The following TARS3 variants were observed in gnomAD, a reference collection of about 807,000 sequenced individuals.
TARS3 encodes threonyl-tRNA synthetase 3.
TARS3 carries 94 observed loss-of-function variants against 103.5 expected under a neutral mutation model. The ratio of observed to expected loss-of-function variants is 0.91; its 90% CI spans 0.77 to 1.08. TARS3 has a LOEUF of 1.08. TARS3 is among the 50% of genes least tolerant of loss of function. TARS3 has a pLI of 0.00. For missense variants in TARS3, 952 were observed against 995.2 expected (o/e 0.96, Z 0.58); for synonymous variants, 416 against 355.4 (o/e 1.17, Z -1.92).
chr15:101,700,690 C>G (rs894781542), intron 10 of TARS3, among the ~76,000 whole-genome samples: 1 of 150,474 alleles, frequency 6.6e-6, no homozygotes, highest in African/African-American at 2.5e-5. Flanking sequence ...TGTCACCAGG[C>G]TGGAGCGCAG....
At chr15:101,655,883 T>C (rs1361998888) in intron 18 of TARS3, 2 of 1,286,550 alleles carry the variant, frequency 1.6e-6, no homozygotes, top group Non-Finnish European at 2.0e-6. Context: ...AGCCAAGGAG[T>C]GGACACCAGA....
At chr15:101,722,113 T>A (rs1443319873) in intron 2 of TARS3, among the ~76,000 whole-genome samples, 3 of 152,072 alleles carry the variant, frequency 2.0e-5, no homozygotes, top group Non-Finnish European at 2.9e-5. Context: ...CATGTGTACT[T>A]CCCACCTCCA....
intron 8 of TARS3, among the ~76,000 whole-genome samples, chr15:101,702,786 A>G (rs1426790015): frequency 6.6e-6 from 1 of 152,196 alleles, no homozygotes; most frequent in African/African-American, 2.4e-5. Flanking sequence ...AAACAAACAA[A>G]CAAACAAAAT....
chr15:101,720,457 A>G (rs1180706492), intron 3 of TARS3, among the ~76,000 whole-genome samples: 1 of 152,164 alleles, frequency 6.6e-6, no homozygotes, highest in Non-Finnish European at 1.5e-5. Context: ...AAGACCTGTA[A>G]AAACTCATGG....
chr15:101,701,753 A>G (rs963719855), intron 9 of TARS3, among the ~76,000 whole-genome samples: 3 of 152,174 alleles, frequency 2.0e-5, no homozygotes, highest in Non-Finnish European at 4.4e-5. Context: ...AAAGGATGCT[A>G]TAAAGTGCAC....
Position 101,711,869 on chromosome 15 carries a change from C to A in TARS3, c.812+11G>T, listed in dbSNP as rs1474106094. The A allele has an allele frequency of 2.5e-6, 4 of 1,612,624 alleles. No individual in the cohort carries two copies. In the Admixed American group the frequency reaches 5.0e-5, roughly 20 times the overall value. ...ACACATGCATTCACAAGCCAGTATTCAGTGTGTTACCTGTCTTCAATGAAC... is the reference window on the plus strand; with the variant it reads ...ACACATGCATTCACAAGCCAGTATTAAGTGTGTTACCTGTCTTCAATGAAC... On this transcript the variant is annotated intron_variant, in intron 5 of 18. Transcript: ENST00000335968.
rs1897263991 is a variant in TARS3 at position 101,658,543 on chromosome 15, A to G, written c.2073-686T>C. Among the ~76,000 whole-genome samples, 4 of 152,034 alleles carry G rather than the reference A, an allele frequency of 2.6e-5. No homozygotes were observed. In the South Asian group the frequency reaches 8.3e-4, roughly 32 times the overall value. On this transcript the variant is annotated intron_variant, in intron 16 of 18. Coordinates refer to ENST00000335968, the MANE Select transcript of TARS3 (RefSeq NM_152334.3). ...GTGGGATGGTTTGAGTGTGGGGAAA[A>G]AAGGGCAGCAGGAGGGAGCCTTACA...
At chr15:101,718,418 C>T (rs1288884758) in intron 3 of TARS3, among the ~76,000 whole-genome samples, 3 of 152,006 alleles carry the variant, frequency 2.0e-5, no homozygotes, top group African/African-American at 7.2e-5. Flanking sequence ...TGAGTTATCT[C>T]AGATGAAAAC....
At position 101,693,196 on chromosome 15, in the gene TARS3, G is replaced by A. The variant is rs149046748; in HGVS notation, c.1321-7134C>T. On this transcript the variant is annotated intron_variant, in intron 10 of 18. Transcript: ENST00000335968. ...TATCTATTCTCACACTGCTAATAAA[G>A]ACAAACCCAAGACTGGGTAATTTAT... Among the ~76,000 whole-genome samples the A allele has an allele frequency of 2.6e-5, 4 of 152,240 alleles. 1 individual carries two copies. In the East Asian group the frequency reaches 5.8e-4, roughly 22 times the overall value.
At position 101,653,654 on chromosome 15, in the gene TARS3, TAACTA is replaced by T. The variant is rs1330586332; in HGVS notation, c.*923_*927del. ...TCACTGTTCACATCCCTCAGGAAGTTAACTAAATGATCAGTATATTGAAAAGAGAT... is the reference window on the plus strand; with the variant it reads ...TCACTGTTCACATCCCTCAGGAAGTTAATGATCAGTATATTGAAAAGAGAT... On this transcript the variant is annotated 3_prime_UTR_variant, in exon 19 of 19. Transcript: ENST00000335968. The T allele has an allele frequency of 6.6e-6, 1 of 152,276 alleles. No individual in the cohort carries two copies. Among genetic ancestry groups the T allele is most frequent in the Non-Finnish European group, 1.5e-5 (1 of 68,046 alleles). 9.4% of individuals were successfully genotyped at this position (152,276 alleles called of 1,614,324 possible).
chr15:101,704,394 C>G (rs1001650939), intron 7 of TARS3, among the ~76,000 whole-genome samples: 1 of 152,182 alleles, frequency 6.6e-6, no homozygotes, highest in Non-Finnish European at 1.5e-5. Flanking sequence ...GTGGCTCACA[C>G]CTGTAATCCC....
In TARS3 at chr15:101,685,893, C is replaced by CA. The variant is rs1567336745; in HGVS notation, c.1487+2dup. 2.5e-6 allele frequency: 4 copies of CA among 1,612,270 alleles called. No homozygotes were observed. Among genetic ancestry groups the CA allele is most frequent in the Non-Finnish European group, 3.4e-6 (4 of 1,178,934 alleles). ...AAAGGTCTGCTTCGCTTTTAATACT[C>CA]ACCAGTGCCCTGGACAATTCATGGG... On this transcript the variant is annotated splice_region_variant and intron_variant, in intron 11 of 18. Coordinates refer to ENST00000335968, the MANE Select transcript of TARS3 (RefSeq NM_152334.3).
Position 101,724,371 on chromosome 15 carries a change from A to C in TARS3, c.17T>G (p.Leu6Arg). MAAEA[L>R]AAEAVASRLE... is the part of the protein sequence containing the mutation. ...GCGCGACGCCACGGCCTCCGCCGCC[A>C]GGGCCTCGGCCGCCATCGCGGCCTC... The change falls in exon 1 of 19, where the codon CTG becomes CGG. Residue 6 changes from leucine (L) to arginine (R), a missense_variant. By Grantham distance (102) the Leu-to-Arg change is moderately radical (BLOSUM62 -2). Coordinates refer to ENST00000335968, the MANE Select transcript of TARS3 (RefSeq NM_152334.3). 1.3e-6 allele frequency: 2 copies of C among 1,526,750 alleles called. No individual in the cohort carries two copies. Among genetic ancestry groups the C allele is most frequent in the Non-Finnish European group, 1.7e-6 (2 of 1,143,370 alleles). The allele number at this position is 1,526,750 out of a possible 1,614,324, so 94.6% of individuals were successfully genotyped here.
In TARS3 at chr15:101,721,309, G is replaced by C. The variant is rs375474149; in HGVS notation, c.383C>G (p.Pro128Arg). The part of the protein sequence containing the change: ...SEADSEVKHQ[P>R]IFIKERLKLF... The stretch of plus-strand genomic sequence containing the variant: ...CTTCAATCTTTCTTTTATGAAAATT[G>C]GTTGATGCTTCACCTGGAAATTATT... Residue 128 changes from proline (P) to arginine (R), a missense_variant, in exon 3 of 19, where the codon CCA (proline) becomes CGA (arginine). Transcript: ENST00000335968. 6.2e-7 allele frequency: 1 copy of C among 1,609,592 alleles called. No individual in the cohort carries two copies. Among genetic ancestry groups the C allele is most frequent in the Non-Finnish European group, 8.5e-7 (1 of 1,176,238 alleles).
At chr15:101,717,007 C>G (rs1484012027) in intron 3 of TARS3, among the ~76,000 whole-genome samples, 2 of 152,096 alleles carry the variant, frequency 1.3e-5, no homozygotes. Flanking sequence ...CAGGCACATG[C>G]CACCATGTCC....
At chr15:101,700,817 T>G (rs1468693688) in intron 10 of TARS3, among the ~76,000 whole-genome samples, 1 of 152,094 alleles carries the variant, frequency 6.6e-6, no homozygotes, top group African/African-American at 2.4e-5. Flanking sequence ...AATTTTTGTA[T>G]TTTTAGTAGA....
chr15:101,711,993 C>T lies in TARS3; in HGVS notation c.699G>A (p.Trp233Ter). 6.2e-7 allele frequency: 1 copy of T among 1,612,846 alleles called. No homozygotes were observed. The highest frequency in any genetic ancestry group is 1.7e-5 in the Admixed American group (1 of 59,844). ...FDNEEAQAVY[W>*]HSSAHILGEA... The stretch of plus-strand genomic sequence containing the variant: ...CCCCAAGAATGTGAGCACTGGAGTG[C>T]CAGTACACCTGCATGGCATGGACAA... The change falls in exon 5 of 19, where the codon TGG becomes TGA. Residue 233 changes from tryptophan to a stop codon, truncating the protein, a stop_gained. Coordinates refer to ENST00000335968, the MANE Select transcript of TARS3 (RefSeq NM_152334.3). LOFTEE classifies it high-confidence loss of function.
rs760481862 is a variant in TARS3, at chr15:101,675,679, C to G, written c.1709G>C (p.Gly570Ala). 5 of 1,613,936 alleles carry G rather than the reference C, an allele frequency of 3.1e-6. No individual in the cohort carries two copies. Among genetic ancestry groups the G allele is most frequent in the Admixed American group, 1.7e-5 (1 of 59,990 alleles). ...TGACAGGTTTAATTGAAAGGAGAAG[C>G]CAAATGTTGAGTAAACAGATTGCAA... Reference protein sequence around the residue: ...QFLQSVYSTFGFSFQLNLSTR... With the variant: ...QFLQSVYSTFAFSFQLNLSTR... Residue 570 changes from glycine to alanine, a missense_variant, in exon 13 of 19, where the codon GGC becomes GCC. Gly to Ala is a moderately conservative substitution (Grantham distance 60). Coordinates refer to ENST00000335968, the MANE Select transcript of TARS3 (RefSeq NM_152334.3).
intron 18 of TARS3, among the ~76,000 whole-genome samples, chr15:101,654,970 G>C (rs565685558): frequency 1.1e-4 from 16 of 151,764 alleles, no homozygotes; most frequent in African/African-American, 3.9e-4. Flanking sequence ...CAGATGAGAG[G>C]GGGGAGCTCT....
Sources: gnomAD v4.1 joint callset for allele counts (sites outside exome capture counted in the v4.1 genomes callset) on GRCh38, gnomAD v4.1.1 for gene constraint, MANE v1.5 for transcripts, NCBI Gene and HGNC (gene_info 2026-07-23, HGNC 2026-07-21) for gene names.